Variants in TBCB observed in about 807,000 individuals in gnomAD.
The protein encoded by TBCB is tubulin-folding cofactor B.
TBCB carries 18 observed loss-of-function variants against 29.2 expected under a neutral mutation model. The observed-to-expected ratio is 0.62, with a 90% CI of 0.43 to 0.91. The LOEUF (loss-of-function observed/expected upper bound fraction) is 0.91, where lower values mean the gene tolerates loss of function less well. Among genes scored for constraint, TBCB ranks in the 40% least tolerant of loss-of-function variants. The pLI is 0.00. For missense variants in TBCB, 336 were observed against 337.6 expected (o/e 1.00, Z 0.04); for synonymous variants, 172 against 137.8 (o/e 1.25, Z -1.74).
At position 36,121,684 on chromosome 19, in the gene TBCB, A is replaced by ACAAT; in HGVS notation, c.515_518dup (p.Pro174IlefsTer26). On this transcript the variant is annotated frameshift_variant, in exon 4 of 6. Transcript: ENST00000221855. LOFTEE classifies it high-confidence loss of function. ...GCCGCTGTGAGGTGCGGGCGGCGGGACAATCCCCTCGCCGGGGCACCGTCA... is the reference window on the plus strand; with the variant it reads ...GCCGCTGTGAGGTGCGGGCGGCGGGACAATCAATCCCCTCGCCGGGGCACCGTCA... The ACAAT allele has an allele frequency of 6.4e-7, 1 of 1,559,178 alleles. No homozygotes were observed. Among genetic ancestry groups the ACAAT allele is most frequent in the Non-Finnish European group, 8.7e-7 (1 of 1,152,866 alleles).
chr19:36,122,404 C>T (rs988647486), intron 4 of TBCB, among the ~76,000 whole-genome samples: 1 of 151,562 alleles, frequency 6.6e-6, no homozygotes, highest in African/African-American at 2.4e-5. Context: ...ATGATTGTGT[C>T]ATTGCACCCT....
chr19:36,115,495 G>C lies in TBCB; in HGVS notation c.-66G>C. On this transcript the variant is annotated 5_prime_UTR_variant, in exon 1 of 6. Transcript: ENST00000221855. The stretch of plus-strand genomic sequence containing the variant: ...TGATAGCCCAGCAGCAGCAGCGGCG[G>C]CGGCGGCTGCGGAGCGGGTGTGAGG... 8.0e-7 allele frequency: 1 copy of C among 1,249,504 alleles called. No individual in the cohort carries two copies. The highest frequency in any genetic ancestry group is 1.1e-6 in the Non-Finnish European group (1 of 883,786). The allele number at this position is 1,249,504 out of a possible 1,614,324, so 77.4% of individuals were successfully genotyped here.
intron 4 of TBCB, chr19:36,122,291 A>C (rs1974068789): frequency 5.7e-6 from 1 of 175,538 alleles, no homozygotes; most frequent in Non-Finnish European, 1.2e-5. Flanking sequence ...TTTTTTTAAA[A>C]AGAACAGGCT....
At position 36,120,810 on chromosome 19, in the gene TBCB, C is replaced by A; in HGVS notation, c.355+4C>A. ...GAAGCCTACGACCAGAGGCAAGGTA[C>A]GGGCAGGTGGGCGTCGAGGGGTGCG... On this transcript the variant is annotated splice_donor_region_variant and intron_variant, in intron 3 of 5. Coordinates refer to ENST00000221855, the MANE Select transcript of TBCB (RefSeq NM_001281.3). 1 of 1,613,692 alleles carries A rather than the reference C, an allele frequency of 6.2e-7. No homozygotes were observed.
chr19:36,125,357 C>T (rs1974119576), intron 4 of TBCB, 94 bp from the exon 5 acceptor site: 10 of 1,365,188 alleles, frequency 7.3e-6, no homozygotes, highest in Non-Finnish European at 1.0e-5. Flanking sequence ...GGCTTCTACT[C>T]AATGGGTAGG....
rs755931712 is a variant in TBCB at position 36,121,848 on chromosome 19, C to A, written c.547+130C>A. 17 of 1,197,898 alleles carry A rather than the reference C, an allele frequency of 1.4e-5. 1 individual carries two copies. In the East Asian group the frequency reaches 3.1e-4, roughly 22 times the overall value. The allele number at this position is 1,197,898 out of a possible 1,614,324, so 74.2% of individuals were successfully genotyped here. A position where few individuals can be genotyped will look rare whatever the true frequency, so the allele number is the denominator to read the frequency against. On this transcript the variant is annotated intron_variant, in intron 4 of 5. Transcript: ENST00000221855. ...GGGGTTGGGGGGGACTCGAAACGAT[C>A]TCAGTCCCTGGAGGTGACGGAACCA...
chr19:36,121,703 A>C lies in TBCB; in HGVS notation c.532A>C (p.Thr178Pro). Residue 178 changes from threonine (T) to proline (P), a missense_variant, in exon 4 of 6, where the codon ACC becomes CCC. By Grantham distance (38) the Thr-to-Pro change is conservative. Coordinates refer to ENST00000221855, the MANE Select transcript of TBCB (RefSeq NM_001281.3). ...RAAGQSPRRG[T>P]VMYVGLTDFK... ...GGCGGGACAATCCCCTCGCCGGGGC[A>C]CCGTCATGTATGTAGGTGCGTGGCT... 1 of 1,551,478 alleles carries C rather than the reference A, an allele frequency of 6.4e-7. No homozygotes were observed. Among genetic ancestry groups the C allele is most frequent in the Non-Finnish European group, 8.7e-7 (1 of 1,148,780 alleles).
chr19:36,124,991 C>T (rs953338125), intron 4 of TBCB, among the ~76,000 whole-genome samples: 1 of 147,356 alleles, frequency 6.8e-6, no homozygotes, highest in African/African-American at 2.5e-5. Flanking sequence ...TTCTTCTGCT[C>T]AGTTTTTCAT....
chr19:36,118,726 G>A (rs900858195), intron 2 of TBCB: 1 of 151,342 alleles, frequency 6.6e-6, no homozygotes, highest in African/African-American at 2.4e-5. Flanking sequence ...GGGAAGGGGT[G>A]CCCTAGGAGT....
At chr19:36,123,386 G>A (rs1233954180) in intron 4 of TBCB, among the ~76,000 whole-genome samples, 1 of 151,398 alleles carries the variant, frequency 6.6e-6, no homozygotes, top group African/African-American at 2.4e-5. Flanking sequence ...TCGGCCTCCT[G>A]AGTAGCTGGG....
chr19:36,115,132 A>G (rs2145904248), upstream of TBCB: 4 of 573,370 alleles, frequency 7.0e-6, no homozygotes, highest in East Asian at 5.9e-5. Context: ...CGGGAAAACG[A>G]TGCGCATCGT....
intron 1 of TBCB, 146 bp from the exon 2 acceptor site, chr19:36,115,895 G>T (rs903228208): frequency 6.3e-6 from 8 of 1,279,114 alleles, no homozygotes; most frequent in Non-Finnish European, 2.2e-6. Context: ...TCCAGAGGGC[G>T]GGGGCAAGAG....
At chr19:36,118,174 C>T (rs1187062464) in intron 2 of TBCB, among the ~76,000 whole-genome samples, 1 of 152,180 alleles carries the variant, frequency 6.6e-6, no homozygotes, top group Admixed American at 6.5e-5. Context: ...TGTTCATTCC[C>T]CATCTGTGTT....
chr19:36,121,471 T>C, intron 3 of TBCB, 56 bp from the exon 4 acceptor site: 3 of 1,510,466 alleles, frequency 2.0e-6, no homozygotes, highest in Non-Finnish European at 2.6e-6. Flanking sequence ...GGGTGGAGCG[T>C]CATCCTGTTA....
At chr19:36,116,343 G>T in intron 2 of TBCB, 159 bp downstream of exon 2, 1 of 1,002,894 alleles carries the variant, frequency 1.0e-6, no homozygotes, top group East Asian at 2.7e-5. Context: ...CATTAGACAG[G>T]GACAGCCTAG....
chr19:36,125,537 C>T lies in TBCB; in HGVS notation c.620+14C>T, dbSNP rs1974123395. ...AAATGATGGCAGGTAACAAGAATTC[C>T]CACTCAGGTGTCTGTGTGTGCATTT... On this transcript the variant is annotated intron_variant, in intron 5 of 5. Transcript: ENST00000221855. 1 of 1,614,032 alleles carries T rather than the reference C, an allele frequency of 6.2e-7. No individual in the cohort carries two copies. The highest frequency in any genetic ancestry group is 8.5e-7 in the Non-Finnish European group (1 of 1,179,920).
intron 2 of TBCB, among the ~76,000 whole-genome samples, chr19:36,117,244 G>A (rs1241295398): frequency 2.6e-5 from 4 of 152,102 alleles, no homozygotes; most frequent in African/African-American, 4.8e-5. Context: ...CCCTGGATTC[G>A]AGTGCCCTGA....
chr19:36,119,493 C>A (rs1200840102), intron 2 of TBCB, among the ~76,000 whole-genome samples: 1 of 152,224 alleles, frequency 6.6e-6, no homozygotes, highest in Non-Finnish European at 1.5e-5. Context: ...CCTGGCCTCC[C>A]CGCTCCCCAT....
At chr19:36,121,807 C>G (rs1316751041) in intron 4 of TBCB, 89 bp downstream of exon 4, 1 of 1,502,762 alleles carries the variant, frequency 6.7e-7, no homozygotes, top group Non-Finnish European at 9.0e-7. Context: ...GGAGACCACG[C>G]TCTGCCTAGG....
Sources: allele counts gnomAD v4.1 joint callset (sites outside exome capture counted in the v4.1 genomes callset), GRCh38; gene constraint gnomAD v4.1.1; transcripts MANE v1.5; gene names NCBI Gene and HGNC (gene_info 2026-07-23, HGNC 2026-07-21).